Variants in ART3 observed in about 807,000 individuals in gnomAD.
The protein encoded by ART3 is ADP-ribosyltransferase 3 (inactive).
A neutral mutation model predicts 48.5 loss-of-function variants in ART3; 49 were observed. That is an observed-to-expected ratio of 1.01 (90% CI 0.80 to 1.28). The LOEUF is 1.28. Among genes scored for constraint, ART3 ranks in the 50% most tolerant of loss-of-function variants. The pLI, the probability that ART3 is intolerant of heterozygous loss-of-function variation, is 0.00. For missense variants in ART3, 438 were observed against 454.3 expected (o/e 0.96, Z 0.33); for synonymous variants, 145 against 157.2 (o/e 0.92, Z 0.58).
intron 1 of ART3, among the ~76,000 whole-genome samples, chr4:76,016,495 A>G (rs530066251): frequency 6.6e-6 from 1 of 152,284 alleles, no homozygotes; most frequent in African/African-American, 2.4e-5. Context: ...GGCCACCACC[A>G]CTGACGTTGT....
chr4:76,065,245 G>T (rs1343473931), intron 1 of ART3, among the ~76,000 whole-genome samples: 1 of 152,280 alleles, frequency 6.6e-6, no homozygotes, highest in Non-Finnish European at 1.5e-5. Flanking sequence ...AGCTCACTGA[G>T]TGCTTTTGTA....
At position 76,084,812 on chromosome 4, in the gene ART3, C is replaced by A. The variant is rs537582552; in HGVS notation, c.781+2277C>A. ...CTGAGCTGGGAGGATTGTGAATGAA[C>A]TATAAATACTTGAGGAGAAGCCATA... On this transcript the variant is annotated intron_variant, in intron 3 of 11. Transcript: ENST00000355810. Among the ~76,000 whole-genome samples, 12 of 152,304 alleles carry A rather than the reference C, an allele frequency of 7.9e-5. 1 individual carries two copies. The South Asian group carries it at 2.5e-3, about 32-fold the overall frequency.
chr4:76,079,694 G>A (rs1722000685), intron 2 of ART3, among the ~76,000 whole-genome samples: 1 of 152,068 alleles, frequency 6.6e-6, no homozygotes, highest in African/African-American at 2.4e-5. Context: ...GTGGAGAAAT[G>A]GGTGGGAAGC....
At chr4:76,044,719 T>G (rs192374531) in intron 1 of ART3, among the ~76,000 whole-genome samples, 21 of 152,094 alleles carry the variant, frequency 1.4e-4, no homozygotes, top group Non-Finnish European at 2.8e-4. Context: ...CTCTGTCTCT[T>G]CCTCTCCCTG....
intron 10 of ART3, chr4:76,105,571 T>C (rs1485353318): frequency 1.6e-6 from 2 of 1,288,104 alleles, no homozygotes; most frequent in Admixed American, 4.6e-5. Flanking sequence ...TATTCTTTAT[T>C]GGGGGTGGAG....
At chr4:76,073,753 G>C (rs1578418899), upstream of ART3, among the ~76,000 whole-genome samples, 1 of 152,080 alleles carries the variant, frequency 6.6e-6, no homozygotes, top group Non-Finnish European at 1.5e-5. Flanking sequence ...CTCATGCCTT[G>C]GAAGTGTTTT....
intron 1 of ART3, among the ~76,000 whole-genome samples, chr4:76,015,863 A>G (rs533905536): frequency 6.6e-5 from 10 of 152,366 alleles, no homozygotes; most frequent in Non-Finnish European, 1.3e-4. Context: ...TCCTGGGCTC[A>G]AGCGATCCTC....
intron 10 of ART3, chr4:76,105,645 G>A (rs554725936): frequency 1.6e-6 from 2 of 1,223,178 alleles, no homozygotes; most frequent in South Asian, 3.0e-5. Context: ...GGGGTCTGGG[G>A]AAGACATCTG....
chr4:76,084,534 A>G (rs767313926), intron 3 of ART3, among the ~76,000 whole-genome samples: 1 of 152,220 alleles, frequency 6.6e-6, no homozygotes, highest in Non-Finnish European at 1.5e-5. Flanking sequence ...AACTTTGAAT[A>G]AGACTTTTTA....
intron 3 of ART3, among the ~76,000 whole-genome samples, chr4:76,083,275 C>G (rs1722874274): frequency 6.6e-6 from 1 of 152,198 alleles, no homozygotes; most frequent in Non-Finnish European, 1.5e-5. Flanking sequence ...ATCCAGTTTT[C>G]ATTCTTTTAG....
intron 10 of ART3, among the ~76,000 whole-genome samples, chr4:76,106,939 T>G (rs538334582): frequency 6.6e-6 from 1 of 152,310 alleles, no homozygotes; most frequent in African/African-American, 2.4e-5. Context: ...TTTGCAATGG[T>G]CTGAAAGCCA....
At position 76,081,989 on chromosome 4, in the gene ART3, G is replaced by A; in HGVS notation, c.235G>A (p.Ala79Thr). Residue 79 changes from alanine to threonine, a missense_variant, in exon 3 of 12, where the codon GCC (alanine) becomes ACC (threonine). By Grantham distance (58) the Ala-to-Thr change is moderately conservative. Around this residue, in one of 3 missense-constraint regions of ART3, gnomAD observed 206 missense variants for 205.3 expected, o/e 1.00. Transcript: ENST00000355810. Reference sequence around the variant, plus strand: ...GGAAAATGCAAAAGCCAAATGGGCAGCCCGAAAGACTCAAATCTTTCTCCC... The same window carrying A: ...GGAAAATGCAAAAGCCAAATGGGCAACCCGAAAGACTCAAATCTTTCTCCC... ...VWENAKAKWA[A>T]RKTQIFLPMN... 2.5e-6 allele frequency: 4 copies of A among 1,614,186 alleles called. No homozygotes were observed. The highest frequency in any genetic ancestry group is 1.7e-5 in the Admixed American group (1 of 60,024).
chr4:76,024,988 A>G (rs1018317232), intron 1 of ART3, among the ~76,000 whole-genome samples: 6 of 152,144 alleles, frequency 3.9e-5, no homozygotes, highest in South Asian at 4.1e-4. Context: ...GGTAAATGGA[A>G]TTTGCTAGAG....
At chr4:76,077,197 C>G (rs1037472067) in intron 2 of ART3, among the ~76,000 whole-genome samples, 2 of 152,154 alleles carry the variant, frequency 1.3e-5, no homozygotes, top group Non-Finnish European at 2.9e-5. Context: ...TCTCCATCCC[C>G]CATTCCCTGG....
intron 10 of ART3, chr4:76,107,231 A>T (rs1435815084): frequency 2.0e-5 from 3 of 152,192 alleles, no homozygotes; most frequent in Non-Finnish European, 4.4e-5. Flanking sequence ...CCCCATCATA[A>T]GTCGAGAAGC....
intron 3 of ART3, among the ~76,000 whole-genome samples, chr4:76,095,817 A>G (rs867523271): frequency 2.7e-4 from 41 of 152,124 alleles, no homozygotes; most frequent in South Asian, 6.2e-4. Flanking sequence ...GCACCTTTCA[A>G]CTTACATCTG....
In ART3 at chr4:76,101,018, TGG is replaced by T; in HGVS notation, c.937_937+1del. ...AGAAAAACCAGAAGCTTGAAGACCA[TGG>T]TAAGACATTTATGTAAATTCTGGGG... On this transcript the variant is annotated splice_donor_variant and coding_sequence_variant, in exon 8 of 12. Coordinates refer to ENST00000355810, the MANE Select transcript of ART3 (RefSeq NM_001130016.3). LOFTEE classifies it high-confidence loss of function. The T allele has an allele frequency of 6.2e-7, 1 of 1,613,656 alleles. No homozygotes were observed. Among genetic ancestry groups the T allele is most frequent in the African/African-American group, 1.3e-5 (1 of 74,984 alleles).
intron 3 of ART3, among the ~76,000 whole-genome samples, chr4:76,096,177 G>C (rs576322703): frequency 6.6e-6 from 1 of 152,216 alleles, no homozygotes; most frequent in African/African-American, 2.4e-5. Flanking sequence ...CCCGCCCTTG[G>C]TCTCCCAAAG....
At chr4:76,081,775 T>A (rs771783336) in intron 2 of ART3, 49 bp from the exon 3 acceptor site, 1 of 1,534,870 alleles carries the variant, frequency 6.5e-7, no homozygotes, top group Non-Finnish European at 8.9e-7. Flanking sequence ...GAAAATGATA[T>A]TCACTGAATT....
Sources: gnomAD v4.1 joint callset for allele counts (sites outside exome capture counted in the v4.1 genomes callset) on GRCh38, gnomAD v4.1.1 for gene constraint, gnomAD v4.1.1 regional missense constraint, MANE v1.5 for transcripts, NCBI Gene and HGNC (gene_info 2026-07-23, HGNC 2026-07-21) for gene names.